Variants in GAD2 observed in about 807,000 individuals in gnomAD.
GAD2 encodes glutamate decarboxylase 2.
In GAD2, 22 loss-of-function variants were observed where a neutral mutation model predicts 80.1. The observed-to-expected ratio is 0.27, with a 90% confidence interval of 0.20 to 0.39. The LOEUF (loss-of-function observed/expected upper bound fraction) is 0.39. Among genes scored for constraint, GAD2 ranks in the 10% least tolerant of loss-of-function variants. GAD2 has a pLI of 1.00. For missense variants in GAD2, 624 were observed against 738.4 expected (o/e 0.85, Z 1.80); for synonymous variants, 274 against 256.9 (o/e 1.07, Z -0.64).
Position 26,217,656 on chromosome 10 carries a change from A to C in GAD2, c.123A>C (p.Gly41=). The C allele has an allele frequency of 6.2e-7, 1 of 1,613,700 alleles. No homozygotes were observed. Among genetic ancestry groups the C allele is most frequent in the Non-Finnish European group, 8.5e-7 (1 of 1,179,832 alleles). ...QVAQKFTGGI[G]NKLCALLYGD... ...CTCAGAAGTTCACGGGCGGCATCGG[A>C]AACAAACTGTGCGGTGAGTGCCCAG... is the stretch of plus-strand genomic sequence containing the variant. Residue 41 remains glycine, a synonymous_variant, in exon 2 of 16, where the codon GGA becomes GGC. Transcript: ENST00000376261. The surrounding 1 kb of genome is among the most constrained non-coding windows in gnomAD (Gnocchi z 4.9).
intron 5 of GAD2, 117 bp downstream of exon 5, chr10:26,224,094 A>C: frequency 1.5e-6 from 1 of 680,708 alleles, no homozygotes; most frequent in South Asian, 2.0e-5. Flanking sequence ...ATAGTGATAC[A>C]AACTTCTGAA....
chr10:26,225,509 C>G (rs1844509501), intron 6 of GAD2, among the ~76,000 whole-genome samples: 1 of 152,172 alleles, frequency 6.6e-6, no homozygotes, highest in Non-Finnish European at 1.5e-5. Flanking sequence ...TCCACTGAGA[C>G]AGGACCCACC....
chr10:26,229,019 G>A (rs554062080), intron 6 of GAD2, among the ~76,000 whole-genome samples: 4 of 152,062 alleles, frequency 2.6e-5, no homozygotes, highest in Admixed American at 2.0e-4. Flanking sequence ...GTGAAACCCC[G>A]TCTCTACTAA....
chr10:26,216,849 G>A lies in GAD2; in HGVS notation c.40G>A (p.Glu14Lys). Residue 14 changes from glutamate to lysine, a missense_variant, in exon 1 of 16, where the codon GAA becomes AAA. Glu to Lys is a moderately conservative substitution (Grantham distance 56, BLOSUM62 1). Transcript: ENST00000376261. This position sits in a 1 kb window ranked among gnomAD's most constrained non-coding sequence, Gnocchi z 4.7. ...CTCTGGCTTTTGGTCTTTCGGGTCG[G>A]AAGATGGCTCTGGGGATTCCGAGAA... ...PGSGFWSFGS[E>K]DGSGDSENPG... 6.2e-7 allele frequency: 1 copy of A among 1,612,730 alleles called. No individual in the cohort carries two copies.
chr10:26,222,610 A>G (rs566826793), intron 4 of GAD2, among the ~76,000 whole-genome samples: 1 of 152,280 alleles, frequency 6.6e-6, no homozygotes, highest in South Asian at 2.1e-4. Context: ...ATAGAGGGGT[A>G]CCACACGAGG....
intron 8 of GAD2, among the ~76,000 whole-genome samples, chr10:26,260,008 A>G (rs1844990437): frequency 6.6e-6 from 1 of 152,322 alleles, no homozygotes; most frequent in South Asian, 2.1e-4. Flanking sequence ...AATCTGTCAT[A>G]GTATTTGATG....
At chr10:26,226,592 C>T (rs1295692026) in intron 6 of GAD2, among the ~76,000 whole-genome samples, 1 of 152,192 alleles carries the variant, frequency 6.6e-6, no homozygotes, top group Non-Finnish European at 1.5e-5. Flanking sequence ...TTCCCGGGAG[C>T]AACCAGCCTT....
At chr10:26,241,742 T>C (rs1844745553) in intron 7 of GAD2, among the ~76,000 whole-genome samples, 1 of 152,204 alleles carries the variant, frequency 6.6e-6, no homozygotes, top group East Asian at 1.9e-4. Context: ...TGAGGTATTT[T>C]GGAAAACTCT....
intron 8 of GAD2, among the ~76,000 whole-genome samples, chr10:26,257,986 G>A (rs1844963801): frequency 6.6e-6 from 1 of 152,132 alleles, no homozygotes; most frequent in South Asian, 2.1e-4. Flanking sequence ...CCTCTGAGTG[G>A]CATATTTCCT....
chr10:26,261,181 T>C (rs1845005497), intron 8 of GAD2, among the ~76,000 whole-genome samples: 2 of 152,246 alleles, frequency 1.3e-5, no homozygotes, highest in East Asian at 3.8e-4. Context: ...ACATTTCAAT[T>C]TTTGGTAGTC....
In GAD2 at chr10:26,229,642, C is replaced by T. The variant is rs199823029; in HGVS notation, c.725-20C>T. The T allele has an allele frequency of 2.6e-5, 40 of 1,517,954 alleles. No individual in the cohort carries two copies. The highest frequency in any genetic ancestry group is 1.1e-4 in the East Asian group (5 of 44,356). 94.0% of individuals were successfully genotyped at this position (1,517,954 alleles called of 1,614,324 possible). A position where few individuals can be genotyped will look rare whatever the true frequency, so the allele number is the denominator to read the frequency against. On this transcript the variant is annotated intron_variant, in intron 6 of 15. Transcript: ENST00000376261. ...AGGTTGATAATAAATAAAGTAACTGCGTGTTGCTGTGCACTTTAGGTGGCG... is the reference window on the plus strand; with the variant it reads ...AGGTTGATAATAAATAAAGTAACTGTGTGTTGCTGTGCACTTTAGGTGGCG...
At chr10:26,259,520 T>A (rs184968900) in intron 8 of GAD2, among the ~76,000 whole-genome samples, 7 of 152,262 alleles carry the variant, frequency 4.6e-5, no homozygotes, top group Admixed American at 4.6e-4. Context: ...TGTATACTGT[T>A]TTTGGAGAAA....
chr10:26,293,342 C>T (rs998951615), intron 15 of GAD2, among the ~76,000 whole-genome samples: 2 of 151,682 alleles, frequency 1.3e-5, no homozygotes, highest in Non-Finnish European at 1.5e-5. Flanking sequence ...CACGCCCAGA[C>T]AATTTTTGTA....
chr10:26,217,858 C>T lies in GAD2; in HGVS notation c.153C>T (p.Asp51=), dbSNP rs770305917. 3.7e-6 allele frequency: 6 copies of T among 1,605,830 alleles called. No homozygotes were observed. The highest frequency in any genetic ancestry group is 1.3e-5 in the African/African-American group (1 of 74,706). The change falls in exon 3 of 16, where the codon GAC becomes GAT. Residue 51 remains aspartate (D), a synonymous_variant. Coordinates refer to ENST00000376261, the MANE Select transcript of GAD2 (RefSeq NM_001134366.2). This position sits in a 1 kb window ranked among gnomAD's most constrained non-coding sequence, Gnocchi z 4.9. ...GNKLCALLYG[D]AEKPAESGGS... ...CTTACCCAGCCCTGCTCTACGGAGA[C>T]GCCGAGAAGCCGGCGGAGAGCGGCG...
chr10:26,268,191 G>A (rs1277445002), intron 8 of GAD2, among the ~76,000 whole-genome samples: 2 of 152,190 alleles, frequency 1.3e-5, no homozygotes, highest in African/African-American at 2.4e-5. Flanking sequence ...TCTCTGGGCC[G>A]GGCACGGTGG....
chr10:26,218,535 G>GCT (rs143813747), intron 3 of GAD2, among the ~76,000 whole-genome samples: 12,054 of 127,656 alleles, frequency 0.094, 644 homozygotes, highest in African/African-American at 0.12. Context: ...ACATGCATAC[G>GCT]CTCTCTCTCT....
intron 8 of GAD2, among the ~76,000 whole-genome samples, chr10:26,264,792 G>A (rs1444385313): frequency 2.6e-5 from 4 of 152,170 alleles, no homozygotes; most frequent in Non-Finnish European, 4.4e-5. Context: ...TGTAAACTTA[G>A]TCAATTTCTA....
intron 8 of GAD2, among the ~76,000 whole-genome samples, chr10:26,249,434 T>C (rs1361593730): frequency 2.6e-5 from 4 of 152,332 alleles, no homozygotes; most frequent in East Asian, 3.9e-4. Context: ...GAAGAATAAA[T>C]GTTTAGATGA....
chr10:26,221,695 G>A (rs926749926), intron 4 of GAD2, among the ~76,000 whole-genome samples: 1 of 152,226 alleles, frequency 6.6e-6, no homozygotes, highest in Non-Finnish European at 1.5e-5. Context: ...CAGAGTCTGC[G>A]CATCCTTCCG....
Sources: gnomAD v4.1 joint callset for allele counts (sites outside exome capture counted in the v4.1 genomes callset) on GRCh38, gnomAD v4.1.1 for gene constraint, Gnocchi (gnomAD v3.1) non-coding constraint, MANE v1.5 for transcripts, NCBI Gene and HGNC (gene_info 2026-07-23, HGNC 2026-07-21) for gene names.